RPS6KA2: variants seen among roughly 807,000 people sequenced by gnomAD.
RPS6KA2 encodes ribosomal protein S6 kinase A2.
RPS6KA2 carries 42 observed loss-of-function variants against 91.8 expected under a neutral mutation model. That is an observed-to-expected ratio of 0.46 (90% CI 0.36 to 0.59). The LOEUF (loss-of-function observed/expected upper bound fraction) is 0.59, where lower values mean the gene tolerates loss of function less well. Among genes scored for constraint, RPS6KA2 ranks in the 20% least tolerant of loss-of-function variants. The pLI is 0.00. For missense variants in RPS6KA2, 798 were observed against 978.5 expected, an observed-to-expected ratio of 0.82 and a Z score of 2.46; for synonymous variants, 414 against 393.6, an observed-to-expected ratio of 1.05 and a Z score of -0.61.
intron 1 of RPS6KA2, among the ~76,000 whole-genome samples, chr6:166,586,695 T>G (rs1785186624): frequency 1.3e-5 from 2 of 152,112 alleles, no homozygotes; most frequent in Admixed American, 1.3e-4. Context: ...AGTCTTTTAA[T>G]AAGGCCCATG....
At chr6:166,498,364 T>A in intron 8 of RPS6KA2, 144 bp downstream of exon 8, 1 of 932,168 alleles carries the variant, frequency 1.1e-6, no homozygotes. Context: ...TGCCAGGAAA[T>A]GCTTGGCCTG....
chr6:166,579,664 G>A (rs1340932315), intron 1 of RPS6KA2, among the ~76,000 whole-genome samples: 1 of 152,222 alleles, frequency 6.6e-6, no homozygotes, highest in African/African-American at 2.4e-5. Flanking sequence ...CATGTTACAA[G>A]AAGGAAGCAG....
Position 166,626,966 on chromosome 6 carries a change from C to A in RPS6KA2, c.54G>T (p.Leu18=). 1.3e-6 allele frequency: 2 copies of A among 1,566,186 alleles called. No homozygotes were observed. The highest frequency in any genetic ancestry group is 1.8e-5 in the Admixed American group (1 of 55,946). Residue 18 remains leucine, a synonymous_variant, in exon 1 of 21, where the codon CTG becomes CTT. Transcript: ENST00000265678. The surrounding 1 kb of genome is among the most constrained non-coding windows in gnomAD (Gnocchi z 4.1). ...AGCTCTTGGAGCGCGACTTCCTGCG[C>A]AGGTACACAGAGAAGAACCTGCGCA... ...FAVRRFFSVY[L]RRKSRSKSSS... is the part of the protein sequence containing the mutation.
At chr6:166,701,452 G>C (rs1789516925) in intron 2 of RPS6KA2, 1 of 1,181,844 alleles carries the variant, frequency 8.5e-7, no homozygotes, top group Non-Finnish European at 1.3e-6. Context: ...CCGAGCCTCT[G>C]GTGATCCAGC....
At chr6:166,486,194 C>T (rs1259617823) in intron 10 of RPS6KA2, among the ~76,000 whole-genome samples, 5 of 152,192 alleles carry the variant, frequency 3.3e-5, no homozygotes, top group African/African-American at 4.8e-5. Flanking sequence ...GTAACAACAA[C>T]GTGGCAAAAA....
At chr6:166,507,879 C>T (rs1238292458) in intron 5 of RPS6KA2, among the ~76,000 whole-genome samples, 2 of 148,812 alleles carry the variant, frequency 1.3e-5, no homozygotes, top group East Asian at 2.0e-4. Flanking sequence ...AAACACCACG[C>T]ACACCCCCCC....
intron 2 of RPS6KA2, among the ~76,000 whole-genome samples, chr6:166,762,004 C>T (rs1188176457): frequency 6.6e-6 from 1 of 152,214 alleles, no homozygotes; most frequent in Non-Finnish European, 1.5e-5. Context: ...GATAACCCTG[C>T]CTGTGACCTC....
intron 2 of RPS6KA2, among the ~76,000 whole-genome samples, chr6:166,700,868 C>G (rs6913440): frequency 0.099 from 15,086 of 152,132 alleles, 2,539 homozygotes; most frequent in African/African-American, 0.34. Flanking sequence ...CTCTGCCACC[C>G]TTTTTTTGTG....
intron 2 of RPS6KA2, among the ~76,000 whole-genome samples, chr6:166,853,637 C>T (rs1486488596): frequency 6.6e-6 from 1 of 152,238 alleles, no homozygotes; most frequent in African/African-American, 2.4e-5. Flanking sequence ...AGCATCGTGG[C>T]CACCTAAGTC....
At chr6:166,860,151 TGAA>T (rs1781012296) in intron 1 of RPS6KA2, among the ~76,000 whole-genome samples, 1 of 152,042 alleles carries the variant, frequency 6.6e-6, no homozygotes, top group Non-Finnish European at 1.5e-5. Context: ...CTCAGAAACT[TGAA>T]GTACCTCATG....
At chr6:166,522,540 A>T (rs756332879) in intron 3 of RPS6KA2, among the ~76,000 whole-genome samples, 56 of 152,220 alleles carry the variant, frequency 3.7e-4, no homozygotes, top group Admixed American at 7.2e-4. Context: ...GCCGACAGAC[A>T]CACTTTCGCC....
chr6:166,529,087 T>C (rs1296150927), intron 3 of RPS6KA2, among the ~76,000 whole-genome samples: 1 of 152,176 alleles, frequency 6.6e-6, no homozygotes, highest in Non-Finnish European at 1.5e-5. Context: ...ACCCAAAGGA[T>C]TATAAATCAT....
At chr6:166,813,480 G>T (rs1003157784) in intron 2 of RPS6KA2, among the ~76,000 whole-genome samples, 6 of 152,200 alleles carry the variant, frequency 3.9e-5, no homozygotes, top group Admixed American at 1.3e-4. Flanking sequence ...TCCAAGGGCT[G>T]CCCTAACCAA....
chr6:166,571,218 G>A (rs1279816288), intron 1 of RPS6KA2, among the ~76,000 whole-genome samples: 2 of 152,196 alleles, frequency 1.3e-5, no homozygotes, highest in Non-Finnish European at 2.9e-5. Context: ...AAACTGCCAT[G>A]AAATTCATCA....
At chr6:166,436,409 G>A (rs961029090) in intron 14 of RPS6KA2, among the ~76,000 whole-genome samples, 1 of 152,150 alleles carries the variant, frequency 6.6e-6, no homozygotes, top group Admixed American at 6.5e-5. Flanking sequence ...TAGAGTGGCT[G>A]GAGGGTCACT....
chr6:166,701,278 G>A, intron 2 of RPS6KA2: 1 of 1,612,146 alleles, frequency 6.2e-7, no homozygotes. Context: ...AACAACTTCT[G>A]CACTTGACAA....
At chr6:166,862,458 G>A (rs1215905870) in exon 1 of RPS6KA2, 2 of 1,139,602 alleles carry the variant, frequency 1.8e-6, no homozygotes, top group Admixed American at 3.3e-5. Flanking sequence ...CTTCCCGCTC[G>A]GGCTGGGGCG....
rs1033768837 is a variant in RPS6KA2, at chr6:166,533,175, T to C, written c.217-1862A>G. ...TGCTTAACTCTTGAGATCTTCTGCT[T>C]TGAATCACGGGAAAGTCACATGCCA... On this transcript the variant is annotated intron_variant, in intron 2 of 20. Coordinates refer to ENST00000265678, the MANE Select transcript of RPS6KA2 (RefSeq NM_021135.6). This position sits in a 1 kb window ranked among gnomAD's most constrained non-coding sequence, Gnocchi z 4.0. 3.3e-5 allele frequency among the ~76,000 whole-genome samples: 5 copies of C among 152,244 alleles called. No homozygotes were observed. Among genetic ancestry groups the C allele is most frequent in the African/African-American group, 4.8e-5 (2 of 41,458 alleles).
intron 2 of RPS6KA2, among the ~76,000 whole-genome samples, chr6:166,667,912 G>A (rs1187675850): frequency 2.6e-5 from 4 of 152,220 alleles, no homozygotes; most frequent in African/African-American, 9.6e-5. Flanking sequence ...ACAAAGAAAA[G>A]AGGGAGTTCC....
Sources: allele counts gnomAD v4.1 joint callset (sites outside exome capture counted in the v4.1 genomes callset), GRCh38; gene constraint gnomAD v4.1.1; non-coding constraint Gnocchi (gnomAD v3.1); transcripts MANE v1.5; gene names NCBI Gene and HGNC (gene_info 2026-07-23, HGNC 2026-07-21).